SP4: variants seen among roughly 807,000 people sequenced by gnomAD.
SP4 encodes the protein transcription factor Sp4.
A neutral mutation model predicts 72.8 loss-of-function variants in SP4; 19 were observed. The observed-to-expected ratio is 0.26, with a 90% CI of 0.18 to 0.38. The LOEUF is 0.38. Among genes scored for constraint, SP4 ranks in the 10% least tolerant of loss-of-function variants. SP4 has a pLI of 1.00. For missense variants in SP4, 1,008 were observed against 926.3 expected (o/e 1.09, Z -1.14); for synonymous variants, 395 against 333.1 (o/e 1.19, Z -2.02).
At chr7:21,503,772 C>T (rs948794490) in intron 5 of SP4, among the ~76,000 whole-genome samples, 4 of 152,158 alleles carry the variant, frequency 2.6e-5, no homozygotes, top group Admixed American at 6.5e-5. Context: ...GGTCTTACTC[C>T]GGAGGTCTTC....
rs933645688 is a variant in SP4 at position 21,428,704 on chromosome 7, C to A, written c.35C>A (p.Ala12Glu). 1 of 1,553,176 alleles carries A rather than the reference C, an allele frequency of 6.4e-7. No homozygotes were observed. The highest frequency in any genetic ancestry group is 1.2e-5 in the South Asian group (1 of 84,198). Residue 12 changes from alanine (A) to glutamate (E), a missense_variant, in exon 2 of 6, where the codon GCG becomes GAG. Around this residue, in one of 3 missense-constraint regions of SP4, gnomAD observed 893 missense variants for 743.3 expected, o/e 1.20. Coordinates refer to ENST00000222584, the MANE Select transcript of SP4 (RefSeq NM_003112.5). ...SDQKKEEEEEAAAAAAMATEG... is the reference protein window; with the variant it reads ...SDQKKEEEEEEAAAAAMATEG... Reference sequence around the variant, plus strand: ...CAGAAGAAGGAGGAGGAGGAGGAGGCGGCAGCGGCAGCGGCGATGGCTACA... The same window carrying A: ...CAGAAGAAGGAGGAGGAGGAGGAGGAGGCAGCGGCAGCGGCGATGGCTACA...
rs571584050 is a variant in SP4, at chr7:21,490,988, T to A, written c.2107+8865T>A. ...AGGGCCTAAAGTCTCTGCAATATAA[T>A]GTCCAAAATGTCCGGGATACAGTCC... On this transcript the variant is annotated intron_variant, in intron 5 of 5. Coordinates refer to ENST00000222584, the MANE Select transcript of SP4 (RefSeq NM_003112.5). 1.1e-4 allele frequency among the ~76,000 whole-genome samples: 16 copies of A among 152,332 alleles called. No individual in the cohort carries two copies. In the South Asian group the frequency reaches 3.3e-3, roughly 32 times the overall value.
At chr7:21,498,629 C>G (rs1214808671) in intron 5 of SP4, among the ~76,000 whole-genome samples, 2 of 152,140 alleles carry the variant, frequency 1.3e-5, no homozygotes, top group Non-Finnish European at 2.9e-5. Context: ...TGAGGCAAGT[C>G]AACCCTCAAG....
intron 3 of SP4, among the ~76,000 whole-genome samples, chr7:21,466,521 C>T (rs749275267): frequency 6.6e-6 from 1 of 152,090 alleles, no homozygotes; most frequent in Non-Finnish European, 1.5e-5. Flanking sequence ...CTGCTTGACC[C>T]AAAAGTTCTA....
intron 3 of SP4, among the ~76,000 whole-genome samples, chr7:21,473,452 A>G (rs1433278403): frequency 6.6e-6 from 1 of 152,226 alleles, no homozygotes; most frequent in Non-Finnish European, 1.5e-5. Context: ...TTGAGTTATT[A>G]GGCACTGTTA....
At chr7:21,481,822 C>T in intron 4 of SP4, 102 bp from the exon 5 acceptor site, 1 of 828,384 alleles carries the variant, frequency 1.2e-6, no homozygotes, top group Non-Finnish European at 2.0e-6. Context: ...CAAACCTATT[C>T]AGAGAAGCAT....
At chr7:21,438,544 T>G (rs577601679) in intron 3 of SP4, among the ~76,000 whole-genome samples, 6 of 152,374 alleles carry the variant, frequency 3.9e-5, no homozygotes, top group African/African-American at 1.4e-4. Flanking sequence ...TTTTATTTGG[T>G]GAATACCAAA....
chr7:21,467,919 T>C (rs916783434), intron 3 of SP4, among the ~76,000 whole-genome samples: 1 of 152,180 alleles, frequency 6.6e-6, no homozygotes, highest in Admixed American at 6.5e-5. Context: ...ACATGTACTT[T>C]GAACCTGCTG....
In SP4 at chr7:21,507,026, T is replaced by A. The variant is rs1320644665; in HGVS notation, c.2108-3996T>A. On this transcript the variant is annotated intron_variant, in intron 5 of 5. Transcript: ENST00000222584. ...TTCTTGCCTGGGAGGGTGTTGCCTC[T>A]CCCAGATGGTCATGTCCACTCTCCT... is the stretch of plus-strand genomic sequence containing the variant. Among the ~76,000 whole-genome samples the A allele has an allele frequency of 2.0e-5, 3 of 152,132 alleles. No individual in the cohort carries two copies. The South Asian group carries it at 6.2e-4, about 32-fold the overall frequency.
intron 5 of SP4, among the ~76,000 whole-genome samples, chr7:21,498,295 A>G (rs991649496): frequency 6.6e-5 from 10 of 152,212 alleles, no homozygotes; most frequent in African/African-American, 2.2e-4. Flanking sequence ...TGTGTAGGTT[A>G]TATGCAAATA....
rs1037026387 is a variant in SP4, at chr7:21,511,422, A to G, written c.*153A>G. On this transcript the variant is annotated 3_prime_UTR_variant, in exon 6 of 6. Coordinates refer to ENST00000222584, the MANE Select transcript of SP4 (RefSeq NM_003112.5). Reference sequence around the variant, plus strand: ...TCCAGGGTTTGGGGTCAACACGTGAAGTGTTGAATTTTAAAAAATACAAAA... The same window carrying G: ...TCCAGGGTTTGGGGTCAACACGTGAGGTGTTGAATTTTAAAAAATACAAAA... 1 of 716,294 alleles carries G rather than the reference A, an allele frequency of 1.4e-6. No individual in the cohort carries two copies. The highest frequency in any genetic ancestry group is 2.2e-6 in the Non-Finnish European group (1 of 446,152). The allele number at this position is 716,294 out of a possible 1,614,324, so 44.4% of individuals were successfully genotyped here.
At chr7:21,458,199 G>T (rs189580125) in intron 3 of SP4, among the ~76,000 whole-genome samples, 56 of 151,876 alleles carry the variant, frequency 3.7e-4, no homozygotes, top group Admixed American at 2.1e-3. Flanking sequence ...TCTTTTTTTG[G>T]GGGGTGGGGT....
intron 3 of SP4, among the ~76,000 whole-genome samples, chr7:21,447,182 A>G (rs1783453322): frequency 6.6e-6 from 1 of 152,196 alleles, no homozygotes; most frequent in Admixed American, 6.5e-5. Context: ...ATAGTGTGTG[A>G]TTGCTTAGGC....
rs1782155880 is a variant in SP4, at chr7:21,511,967, T to C, written c.*698T>C. 1 of 152,620 alleles carries C rather than the reference T, an allele frequency of 6.6e-6. No homozygotes were observed. Among genetic ancestry groups the C allele is most frequent in the South Asian group, 2.1e-4 (1 of 4,828 alleles). 9.5% of individuals were successfully genotyped at this position (152,620 alleles called of 1,614,324 possible). On this transcript the variant is annotated 3_prime_UTR_variant, in exon 6 of 6. Transcript: ENST00000222584. ...TAGAGTTAAATCTTAGGTTAAATTT[T>C]AGGTTGACACCTTAGGAAAATGCTG... is the stretch of plus-strand genomic sequence containing the variant.
intron 3 of SP4, among the ~76,000 whole-genome samples, chr7:21,434,758 C>T (rs1378791691): frequency 6.6e-6 from 1 of 152,084 alleles, no homozygotes; most frequent in Non-Finnish European, 1.5e-5. Flanking sequence ...CCTCACCCTG[C>T]CCTCCACCTT....
Position 21,429,300 on chromosome 7 carries a change from C to T in SP4, c.135C>T (p.Pro45=), listed in dbSNP as rs1391786481. 1 of 1,601,432 alleles carries T rather than the reference C, an allele frequency of 6.2e-7. No individual in the cohort carries two copies. Residue 45 remains proline, a synonymous_variant, in exon 3 of 6, where the codon CCC becomes CCT. Transcript: ENST00000222584. ...CCCATTTTGGGTAGGACTCTCAGCC[C>T]TCTCCTCTGGCTTTACTGGCAGCTA... The part of the protein sequence containing the change: ...PKTSGSQDSQ[P]SPLALLAATC...
intron 5 of SP4, among the ~76,000 whole-genome samples, chr7:21,491,973 T>C (rs1784990497): frequency 6.6e-6 from 1 of 152,212 alleles, no homozygotes; most frequent in Non-Finnish European, 1.5e-5. Context: ...GTCTTTTCTG[T>C]TTTCTCAGCC....
intron 3 of SP4, among the ~76,000 whole-genome samples, chr7:21,467,794 C>T (rs954838293): frequency 3.9e-5 from 6 of 152,106 alleles, no homozygotes; most frequent in African/African-American, 1.4e-4. Context: ...AAAAATCCCA[C>T]TGCCCCCCAT....
chr7:21,430,569 T>C lies in SP4; in HGVS notation c.1404T>C (p.Ser468=), dbSNP rs1212762331. Residue 468 remains serine (S), a synonymous_variant, in exon 3 of 6, where the codon AGT becomes AGC. Transcript: ENST00000222584. ...CTTTAACACCTTCAGGGCAAATCAG[T>C]TGGCAAACTGTACAGGTTCAGAATA... is the stretch of plus-strand genomic sequence containing the variant. ...APTLTPSGQI[S]WQTVQVQNIQ... 1 of 1,614,124 alleles carries C rather than the reference T, an allele frequency of 6.2e-7. No individual in the cohort carries two copies. The highest frequency in any genetic ancestry group is 8.5e-7 in the Non-Finnish European group (1 of 1,180,048).
Sources: gnomAD v4.1 joint callset for allele counts (sites outside exome capture counted in the v4.1 genomes callset) on GRCh38, gnomAD v4.1.1 for gene constraint, gnomAD v4.1.1 regional missense constraint, MANE v1.5 for transcripts, NCBI Gene and HGNC (gene_info 2026-07-23, HGNC 2026-07-21) for gene names.